LAMP1: variants seen among roughly 807,000 people sequenced by gnomAD.
LAMP1 encodes lysosome-associated membrane glycoprotein 1.
In LAMP1, 7 loss-of-function variants were observed where a neutral mutation model predicts 37.5. The observed-to-expected ratio is 0.19, with a 90% CI of 0.11 to 0.35. The LOEUF is 0.35. Ranked by LOEUF, LAMP1 falls within the 10% of genes least tolerant of loss-of-function variation. The probability of loss-of-function intolerance (pLI) is 1.00; values close to 1 mark genes in which losing one functional copy is unlikely to be tolerated. For synonymous variants in LAMP1, 236 were observed against 229.1 expected (o/e 1.03, Z -0.27); for missense variants, 537 against 552.8 (o/e 0.97, Z 0.29).
At chr13:113,317,171 G>A (rs1595462933) in intron 4 of LAMP1, among the ~76,000 whole-genome samples, 2 of 152,176 alleles carry the variant, frequency 1.3e-5, no homozygotes, top group East Asian at 3.9e-4. Flanking sequence ...GCTGTGTGCT[G>A]CTCTCCGGAG....
chr13:113,314,324 G>C (rs1441357260), intron 4 of LAMP1, among the ~76,000 whole-genome samples: 2 of 130,668 alleles, frequency 1.5e-5, no homozygotes, highest in East Asian at 2.7e-4. Context: ...CTCCTGGAGG[G>C]AGCCAGTGCG....
At chr13:113,306,377 G>T in intron 1 of LAMP1, 108 bp from the exon 2 acceptor site, 1 of 1,217,362 alleles carries the variant, frequency 8.2e-7, no homozygotes, top group Non-Finnish European at 1.1e-6. Context: ...GAGAAACAGT[G>T]GAATCTTGTA....
At chr13:113,301,658 T>A (rs1335694675) in intron 1 of LAMP1, among the ~76,000 whole-genome samples, 2 of 594 alleles carry the variant, frequency 3.4e-3, no homozygotes, top group African/African-American at 4.5e-3. Context: ...TATATATATA[T>A]ATATATATAT....
At chr13:113,322,124 G>A (rs1326131448) in intron 8 of LAMP1, 158 bp from the exon 9 acceptor site, 2 of 786,032 alleles carry the variant, frequency 2.5e-6, no homozygotes, top group Non-Finnish European at 4.1e-6. Context: ...ACCAGTCTCT[G>A]CAGCGGCTTC....
chr13:113,322,402 C>A lies in LAMP1; in HGVS notation c.1235C>A (p.Ala412Glu). Residue 412 changes from alanine (A) to glutamate (E), a missense_variant, in exon 9 of 9, where the codon GCA becomes GAA. Transcript: ENST00000332556. ...AYLVGRKRSHAGYQTI is the reference protein window; with the variant it reads ...AYLVGRKRSHEGYQTI ...CTCGTCGGCAGGAAGAGGAGTCACG[C>A]AGGCTACCAGACTATCTAGCCTGGT... 6.2e-7 allele frequency: 1 copy of A among 1,613,408 alleles called. No individual in the cohort carries two copies. The highest frequency in any genetic ancestry group is 1.7e-5 in the Admixed American group (1 of 59,974).
Position 113,320,348 on chromosome 13 carries a change from G to A in LAMP1, c.754G>A (p.Val252Met), listed in dbSNP as rs567894310. Residue 252 changes from valine (V) to methionine (M), a missense_variant, in exon 6 of 9, where the codon GTG (valine) becomes ATG (methionine). By Grantham distance (21) the Val-to-Met change is conservative (BLOSUM62 1). Coordinates refer to ENST00000332556, the MANE Select transcript of LAMP1 (RefSeq NM_005561.4). This position sits in a 1 kb window ranked among gnomAD's most constrained non-coding sequence, Gnocchi z 4.4. Reference protein sequence around the residue: ...LTYERKDNTTVTRLLNINPNK... With the variant: ...LTYERKDNTTMTRLLNINPNK... ...CTTGCTTGCTTGTCTTATGCAGACG[G>A]TGACAAGGCTTCTCAACATCAACCC... The A allele has an allele frequency of 3.7e-6, 6 of 1,614,048 alleles. No homozygotes were observed. Among genetic ancestry groups the A allele is most frequent in the Middle Eastern group, 1.6e-4 (1 of 6,062 alleles).
chr13:113,319,593 G>T lies in LAMP1; in HGVS notation c.687G>T (p.Gly229=). Residue 229 remains glycine, a synonymous_variant, in exon 5 of 9, where the codon GGG becomes GGT. Transcript: ENST00000332556. ...VDKYNVSGTN[G]TCLLASMGLQ... is the part of the protein sequence containing the mutation. ...AGTACAACGTGAGCGGCACCAACGGGACCTGCCTGCTGGCCAGCATGGGGC... is the reference window on the plus strand; with the variant it reads ...AGTACAACGTGAGCGGCACCAACGGTACCTGCCTGCTGGCCAGCATGGGGC... 1 of 1,613,954 alleles carries T rather than the reference G, an allele frequency of 6.2e-7. No individual in the cohort carries two copies.
At chr13:113,303,276 C>G (rs2042582995) in intron 1 of LAMP1, among the ~76,000 whole-genome samples, 1 of 152,184 alleles carries the variant, frequency 6.6e-6, no homozygotes, top group African/African-American at 2.4e-5. Flanking sequence ...ACGCATGCTT[C>G]CCACAGCGGC....
intron 1 of LAMP1, among the ~76,000 whole-genome samples, chr13:113,299,507 C>G (rs2042559411): frequency 6.6e-6 from 1 of 151,820 alleles, no homozygotes; most frequent in African/African-American, 2.4e-5. Flanking sequence ...TCGTGATCCG[C>G]CTCCCTCTGC....
Position 113,320,612 on chromosome 13 carries a change from T to TAA in LAMP1, c.876+143_876+144insAA. ...TGCCTTCCCTTTATCCTGGGCTTTT[T>TAA]AGTTCCTTGGTTCCCCTCCCCCCTT... is the stretch of plus-strand genomic sequence containing the variant. On this transcript the variant is annotated intron_variant, in intron 6 of 8. Coordinates refer to ENST00000332556, the MANE Select transcript of LAMP1 (RefSeq NM_005561.4). This position sits in a 1 kb window ranked among gnomAD's most constrained non-coding sequence, Gnocchi z 4.4. 1.2e-6 allele frequency: 1 copy of TAA among 824,642 alleles called. No individual in the cohort carries two copies. The highest frequency in any genetic ancestry group is 1.9e-6 in the Non-Finnish European group (1 of 540,178). The allele number at this position is 824,642 out of a possible 1,614,324, so 51.1% of individuals were successfully genotyped here. A position where few individuals can be genotyped will look rare whatever the true frequency, so the allele number is the denominator to read the frequency against.
rs528931472 is a variant in LAMP1, at chr13:113,313,622, C to T, written c.562+2755C>T. On this transcript the variant is annotated intron_variant, in intron 4 of 8. Transcript: ENST00000332556. ...CTGGAGGGAACCAGTGTGGAGATGTCGGTGTGCCTGGGGTGTGGCCTCCTG... is the reference window on the plus strand; with the variant it reads ...CTGGAGGGAACCAGTGTGGAGATGTTGGTGTGCCTGGGGTGTGGCCTCCTG... Among the ~76,000 whole-genome samples the T allele has an allele frequency of 2.2e-4, 33 of 148,038 alleles. No individual in the cohort carries two copies. In the South Asian group the frequency reaches 3.5e-3, roughly 16 times the overall value.
intron 1 of LAMP1, among the ~76,000 whole-genome samples, chr13:113,302,732 T>C (rs756555544): frequency 2.0e-5 from 3 of 152,118 alleles, no homozygotes; most frequent in Non-Finnish European, 4.4e-5. Flanking sequence ...ACCCAGCCAG[T>C]GTTTCCTCAT....
In LAMP1 at chr13:113,320,449, CCTG is replaced by C. The variant is rs775776268; in HGVS notation, c.858_860del (p.Leu287del). On this transcript the variant is annotated inframe_deletion, in exon 6 of 9. Coordinates refer to ENST00000332556, the MANE Select transcript of LAMP1 (RefSeq NM_005561.4). The surrounding 1 kb of genome is among the most constrained non-coding windows in gnomAD (Gnocchi z 4.4). The stretch of plus-strand genomic sequence containing the variant: ...AGCTGCACAGCGAGGGCACCACCGT[CCTG>C]CTCTTCCAGTTCGGGATGGTGAGGC... 6.2e-7 allele frequency: 1 copy of C among 1,609,494 alleles called. No homozygotes were observed. The highest frequency in any genetic ancestry group is 8.5e-7 in the Non-Finnish European group (1 of 1,179,920).
At chr13:113,317,093 TGTGA>T (rs919312182) in intron 4 of LAMP1, among the ~76,000 whole-genome samples, 5 of 152,088 alleles carry the variant, frequency 3.3e-5, no homozygotes, top group Non-Finnish European at 5.9e-5. Flanking sequence ...TGCAGGTTGA[TGTGA>T]GTATCTGCTG....
At chr13:113,312,165 A>G (rs1418357027) in intron 4 of LAMP1, among the ~76,000 whole-genome samples, 2 of 151,686 alleles carry the variant, frequency 1.3e-5, no homozygotes, top group African/African-American at 4.8e-5. Context: ...AGGAGCAGGT[A>G]CTCTTGCAGG....
intron 4 of LAMP1, among the ~76,000 whole-genome samples, chr13:113,311,645 G>C (rs1595460541): frequency 6.6e-6 from 1 of 152,196 alleles, no homozygotes; most frequent in Admixed American, 6.5e-5. Context: ...CCCAGCCGCC[G>C]GGCTCTGGGG....
At chr13:113,306,442 C>G in intron 1 of LAMP1, 43 bp from the exon 2 acceptor site, 1 of 1,595,946 alleles carries the variant, frequency 6.3e-7, no homozygotes, top group Non-Finnish European at 8.6e-7. Flanking sequence ...GTCGTATTTT[C>G]TGGACAGTTT....
rs1430615603 is a variant in LAMP1 at position 113,320,477 on chromosome 13, C to T, written c.876+7C>T. ...GCTCTTCCAGTTCGGGATGGTGAGG[C>T]TGGGGCGGCACCTCTCTGGGGGCGC... On this transcript the variant is annotated splice_region_variant and intron_variant, in intron 6 of 8. Coordinates refer to ENST00000332556, the MANE Select transcript of LAMP1 (RefSeq NM_005561.4). The surrounding 1 kb of genome is among the most constrained non-coding windows in gnomAD (Gnocchi z 4.4). 2 of 1,605,102 alleles carry T rather than the reference C, an allele frequency of 1.2e-6. No homozygotes were observed. Among genetic ancestry groups the T allele is most frequent in the East Asian group, 4.5e-5 (2 of 44,852 alleles).
At position 113,321,510 on chromosome 13, in the gene LAMP1, C is replaced by G. The variant is rs750411818; in HGVS notation, c.943+40C>G. ...TCTCTGCGAGCCCCGCCCCCGCCCG[C>G]GCGCCCAGGGTATTCTGGAGCCACT... On this transcript the variant is annotated intron_variant, in intron 7 of 8. Transcript: ENST00000332556. The surrounding 1 kb of genome is among the most constrained non-coding windows in gnomAD (Gnocchi z 5.6). The G allele has an allele frequency of 1.2e-6, 2 of 1,613,924 alleles. No individual in the cohort carries two copies. Among genetic ancestry groups the G allele is most frequent in the South Asian group, 2.2e-5 (2 of 91,082 alleles).
Sources: allele counts gnomAD v4.1 joint callset (sites outside exome capture counted in the v4.1 genomes callset), GRCh38; gene constraint gnomAD v4.1.1; non-coding constraint Gnocchi (gnomAD v3.1); transcripts MANE v1.5; gene names NCBI Gene and HGNC (gene_info 2026-07-23, HGNC 2026-07-21).